The following EYS variants were observed in gnomAD, a reference collection of about 807,000 sequenced individuals.
The protein encoded by EYS is EGF-like photoreceptor maintenance factor.
EYS carries 250 observed loss-of-function variants against 282.1 expected under a neutral mutation model. That is an observed-to-expected ratio of 0.89 (90% CI 0.80 to 0.98). The LOEUF is 0.98. Ranked by LOEUF, EYS falls within the 50% of genes least tolerant of loss-of-function variation. The pLI is 0.00. For synonymous variants in EYS, 1,355 were observed against 1,282.9 expected (o/e 1.06, Z -1.20); for missense variants, 4,016 against 3,709.0 (o/e 1.08, Z -2.15).
At chr6:64,467,802 T>A (rs532588592) in intron 26 of EYS, among the ~76,000 whole-genome samples, 1 of 152,242 alleles carries the variant, frequency 6.6e-6, no homozygotes, top group South Asian at 2.1e-4. Flanking sequence ...GGCACCTGCA[T>A]GCACCTTTTG....
chr6:65,354,733 C>A (rs2150328346), intron 8 of EYS, among the ~76,000 whole-genome samples: 1 of 152,082 alleles, frequency 6.6e-6, no homozygotes, highest in Admixed American at 6.6e-5. Flanking sequence ...AGGAGAATCA[C>A]TTGAACCAGG....
chr6:63,944,567 T>C (rs1765336593), intron 35 of EYS, among the ~76,000 whole-genome samples: 1 of 152,210 alleles, frequency 6.6e-6, no homozygotes, highest in African/African-American at 2.4e-5. Context: ...AACACAGTTA[T>C]CATTTTTGTG....
intron 1 of EYS, among the ~76,000 whole-genome samples, chr6:65,677,377 G>C (rs1768657835): frequency 6.6e-6 from 1 of 151,712 alleles, no homozygotes; most frequent in Non-Finnish European, 1.5e-5. Flanking sequence ...AAATTTCCGG[G>C]ATAAAAAATC....
intron 29 of EYS, among the ~76,000 whole-genome samples, chr6:64,361,887 C>G (rs980832094): frequency 2.0e-5 from 3 of 151,734 alleles, no homozygotes; most frequent in Non-Finnish European, 4.4e-5. Context: ...ATAGGCCATG[C>G]TATTATTATG....
At chr6:65,614,630 C>T (rs547776770) in intron 2 of EYS, among the ~76,000 whole-genome samples, 5 of 152,012 alleles carry the variant, frequency 3.3e-5, no homozygotes, top group Non-Finnish European at 7.4e-5. Flanking sequence ...TAAAATGGAT[C>T]TACATAGGTT....
At chr6:65,647,743 T>C (rs1369810784) in intron 1 of EYS, among the ~76,000 whole-genome samples, 2 of 152,052 alleles carry the variant, frequency 1.3e-5, no homozygotes, top group Non-Finnish European at 2.9e-5. Flanking sequence ...AACCCAGTAA[T>C]TGGGGGTAAA....
chr6:63,894,724 AG>A (rs1773492185), intron 35 of EYS, among the ~76,000 whole-genome samples: 1 of 151,684 alleles, frequency 6.6e-6, no homozygotes, highest in African/African-American at 2.4e-5. Context: ...TGGCACTACA[AG>A]GGCCCGCCAC....
intron 12 of EYS, among the ~76,000 whole-genome samples, chr6:65,083,202 T>A (rs1030001007): frequency 6.6e-6 from 1 of 151,958 alleles, no homozygotes; most frequent in Non-Finnish European, 1.5e-5. Context: ...CACGAACCTT[T>A]AAAAGGGTGG....
chr6:65,141,594 A>C (rs994312567), intron 12 of EYS, among the ~76,000 whole-genome samples: 2 of 152,036 alleles, frequency 1.3e-5, no homozygotes, highest in African/African-American at 4.8e-5. Context: ...AATAAATCCA[A>C]ACACACATCT....
At chr6:65,414,358 A>G (rs1767147763) in intron 5 of EYS, among the ~76,000 whole-genome samples, 1 of 152,182 alleles carries the variant, frequency 6.6e-6, no homozygotes, top group Non-Finnish European at 1.5e-5. Context: ...CATTTTCAAA[A>G]TATTTCTTCA....
At chr6:65,442,835 C>A (rs377421407) in intron 5 of EYS, among the ~76,000 whole-genome samples, 1 of 101,134 alleles carries the variant, frequency 9.9e-6, no homozygotes, top group Non-Finnish European at 2.5e-5. Context: ...TACATATATA[C>A]ATACATATAC....
chr6:65,602,591 C>A (rs1209806039), intron 2 of EYS, among the ~76,000 whole-genome samples: 1 of 151,868 alleles, frequency 6.6e-6, no homozygotes, highest in Non-Finnish European at 1.5e-5. Context: ...TAAACAAAAA[C>A]ATTCTAAATG....
At chr6:64,104,232 T>G (rs551204979) in intron 31 of EYS, among the ~76,000 whole-genome samples, 1 of 152,168 alleles carries the variant, frequency 6.6e-6, no homozygotes, top group East Asian at 1.9e-4. Context: ...TTTGAATTGC[T>G]ATGATAAAGA....
chr6:64,341,437 G>C (rs1387959409), intron 29 of EYS, among the ~76,000 whole-genome samples: 1 of 151,766 alleles, frequency 6.6e-6, no homozygotes, highest in Non-Finnish European at 1.5e-5. Flanking sequence ...ATGAATTAAT[G>C]CTAGAACCCA....
chr6:64,344,927 C>T (rs1321720170), intron 29 of EYS, among the ~76,000 whole-genome samples: 3 of 152,210 alleles, frequency 2.0e-5, no homozygotes, highest in East Asian at 3.9e-4. Flanking sequence ...AGAGCCAAAT[C>T]ATGAGTGAAC....
chr6:65,201,445 T>C (rs1348445964), intron 12 of EYS, among the ~76,000 whole-genome samples: 3 of 152,162 alleles, frequency 2.0e-5, no homozygotes, highest in African/African-American at 7.2e-5. Context: ...GTTTTAATAC[T>C]CTTCTTTATG....
At chr6:64,383,469 A>T (rs1038785374) in intron 29 of EYS, among the ~76,000 whole-genome samples, 7 of 152,256 alleles carry the variant, frequency 4.6e-5, no homozygotes, top group Admixed American at 6.5e-5. Flanking sequence ...AATAGACACC[A>T]GATGCCCAAG....
intron 26 of EYS, among the ~76,000 whole-genome samples, chr6:64,498,893 TTGCAATCATAAATCA>T (rs1199787056): frequency 5.3e-5 from 8 of 152,230 alleles, no homozygotes; most frequent in Admixed American, 4.6e-4. Flanking sequence ...GTTCCAAGTC[TTGCAATCATAAATCA>T]TGCTGCAATA....
In EYS at chr6:64,497,425, A is replaced by G. The variant is rs146019155; in HGVS notation, c.5645-58073T>C. On this transcript the variant is annotated intron_variant, in intron 26 of 42. Coordinates refer to ENST00000503581, the MANE Select transcript of EYS (RefSeq NM_001142800.2). ...ATCTTACATGGTTGAAGAATTTCAT[A>G]ATGCATTCCAGGCAAGTAAATGAAC... Among the ~76,000 whole-genome samples the G allele has an allele frequency of 3.0e-3, 461 of 152,298 alleles. 4 individuals carry two copies. Among genetic ancestry groups the G allele is most frequent in the African/African-American group, 0.01 (431 of 41,576 alleles).
Sources: gnomAD v4.1 joint callset for allele counts (sites outside exome capture counted in the v4.1 genomes callset) on GRCh38, gnomAD v4.1.1 for gene constraint, MANE v1.5 for transcripts, NCBI Gene and HGNC (gene_info 2026-07-23, HGNC 2026-07-21) for gene names.